Variants in CTNNA3 observed in about 807,000 individuals in gnomAD.
CTNNA3 encodes catenin alpha-3.
In CTNNA3, 76 loss-of-function variants were observed where a neutral mutation model predicts 95.7. The observed-to-expected ratio is 0.79, with a 90% CI of 0.66 to 0.96. The LOEUF is 0.96. Among genes scored for constraint, CTNNA3 ranks in the 40% least tolerant of loss-of-function variants. The pLI is 0.00. For missense variants in CTNNA3, 1,191 were observed against 1,089.8 expected (o/e 1.09, Z -1.31); for synonymous variants, 431 against 374.4 (o/e 1.15, Z -1.74).
intron 2 of CTNNA3, among the ~76,000 whole-genome samples, chr10:67,639,377 CA>C (rs1839441688): frequency 6.6e-6 from 1 of 151,964 alleles, no homozygotes; most frequent in Non-Finnish European, 1.5e-5. Context: ...GCTTACCAAC[CA>C]AAAAAAGTCC....
chr10:67,684,340 C>A (rs1264484321), intron 1 of CTNNA3, among the ~76,000 whole-genome samples: 3 of 152,134 alleles, frequency 2.0e-5, no homozygotes, highest in Non-Finnish European at 4.4e-5. Flanking sequence ...TGCATTTACA[C>A]ATCTTTAGCC....
At chr10:67,315,020 T>C (rs1412130329) in intron 5 of CTNNA3, among the ~76,000 whole-genome samples, 1 of 152,188 alleles carries the variant, frequency 6.6e-6, no homozygotes, top group Non-Finnish European at 1.5e-5. Context: ...ATGAAGTTCC[T>C]TCTCAGATTC....
chr10:66,451,665 T>A (rs2093465759), intron 11 of CTNNA3, among the ~76,000 whole-genome samples: 1 of 152,156 alleles, frequency 6.6e-6, no homozygotes, highest in South Asian at 2.1e-4. Context: ...TTTCAAGACT[T>A]TAAGACAAGA....
chr10:66,086,016 A>T (rs544988146), intron 14 of CTNNA3, among the ~76,000 whole-genome samples: 1 of 152,158 alleles, frequency 6.6e-6, no homozygotes, highest in African/African-American at 2.4e-5. Flanking sequence ...AGCTAAATCC[A>T]TCTGGTCAGA....
intron 11 of CTNNA3, among the ~76,000 whole-genome samples, chr10:66,434,477 T>G (rs751126308): frequency 1.6e-4 from 24 of 152,152 alleles, no homozygotes; most frequent in African/African-American, 5.6e-4. Flanking sequence ...ATGCTTGAGA[T>G]TTTTGCACAT....
At chr10:66,031,410 G>A (rs1477784929) in intron 15 of CTNNA3, among the ~76,000 whole-genome samples, 8 of 152,150 alleles carry the variant, frequency 5.3e-5, no homozygotes, top group South Asian at 2.1e-4. Context: ...TTGCAGCAAC[G>A]TAGATGCAGC....
chr10:66,926,516 G>A, intron 7 of CTNNA3: 1 of 1,578,478 alleles, frequency 6.3e-7, no homozygotes, highest in Non-Finnish European at 8.7e-7. Flanking sequence ...AGCTGACAGG[G>A]GCTGTCATGC....
chr10:66,533,103 A>G (rs1360412573), intron 10 of CTNNA3, among the ~76,000 whole-genome samples: 1 of 152,136 alleles, frequency 6.6e-6, no homozygotes, highest in Admixed American at 6.5e-5. Flanking sequence ...CTCCTCTTTT[A>G]TCATAGGATC....
intron 10 of CTNNA3, among the ~76,000 whole-genome samples, chr10:66,571,923 C>T (rs1006594795): frequency 6.6e-6 from 1 of 152,054 alleles, no homozygotes; most frequent in East Asian, 1.9e-4. Flanking sequence ...AGAAATTAAA[C>T]AATTAATTAG....
chr10:66,572,264 T>C (rs1030654135), intron 10 of CTNNA3, among the ~76,000 whole-genome samples: 1 of 151,284 alleles, frequency 6.6e-6, no homozygotes, highest in Non-Finnish European at 1.5e-5. Flanking sequence ...GTGCCTGTAA[T>C]CCCATCTACT....
chr10:66,691,456 G>A (rs1847534157), intron 9 of CTNNA3, among the ~76,000 whole-genome samples: 1 of 152,180 alleles, frequency 6.6e-6, no homozygotes, highest in Non-Finnish European at 1.5e-5. Context: ...AAGCATCCGG[G>A]AAGCTCGAAC....
intron 13 of CTNNA3, among the ~76,000 whole-genome samples, chr10:66,223,857 A>T (rs2089112438): frequency 6.7e-6 from 1 of 148,840 alleles, no homozygotes; most frequent in African/African-American, 2.5e-5. Flanking sequence ...ACCCTTCACA[A>T]TGTGGTTGGG....
At chr10:67,430,926 A>G (rs186107975) in intron 5 of CTNNA3, among the ~76,000 whole-genome samples, 1 of 151,758 alleles carries the variant, frequency 6.6e-6, no homozygotes, top group Non-Finnish European at 1.5e-5. Flanking sequence ...TCCCCAGCCT[A>G]AAGATATTAT....
At chr10:66,654,982 A>G (rs1001767146) in intron 9 of CTNNA3, among the ~76,000 whole-genome samples, 3 of 152,068 alleles carry the variant, frequency 2.0e-5, no homozygotes, top group African/African-American at 4.8e-5. Flanking sequence ...AGGATACAAC[A>G]TTGCAGCTGG....
At chr10:67,238,975 G>C (rs1305306345) in intron 5 of CTNNA3, among the ~76,000 whole-genome samples, 5 of 152,078 alleles carry the variant, frequency 3.3e-5, no homozygotes, top group African/African-American at 1.2e-4. Flanking sequence ...CTCAAAAGGA[G>C]ATAGAAACTC....
chr10:67,178,979 G>C (rs1260233662), intron 7 of CTNNA3, among the ~76,000 whole-genome samples: 1 of 151,984 alleles, frequency 6.6e-6, no homozygotes, highest in African/African-American at 2.4e-5. Flanking sequence ...TTTATCGACA[G>C]GTGAGAGATT....
intron 13 of CTNNA3, among the ~76,000 whole-genome samples, chr10:66,195,849 C>T (rs1367503197): frequency 6.6e-6 from 1 of 151,288 alleles, no homozygotes; most frequent in Non-Finnish European, 1.5e-5. Flanking sequence ...AAGCAACATC[C>T]TGCTGGGTGA....
chr10:66,817,836 T>A (rs1204324050), intron 7 of CTNNA3, among the ~76,000 whole-genome samples: 1 of 151,694 alleles, frequency 6.6e-6, no homozygotes, highest in Non-Finnish European at 1.5e-5. Flanking sequence ...AAAGACACCA[T>A]GAAAAAAGAA....
At chr10:67,727,375 T>C (rs999670236) in intron 1 of CTNNA3, among the ~76,000 whole-genome samples, 1 of 133,572 alleles carries the variant, frequency 7.5e-6, no homozygotes, top group Non-Finnish European at 1.5e-5. Flanking sequence ...TGTATATATG[T>C]ATGTTACGTA....
Sources: gnomAD v4.1 joint callset for allele counts (sites outside exome capture counted in the v4.1 genomes callset) on GRCh38, gnomAD v4.1.1 for gene constraint, MANE v1.5 for transcripts, NCBI Gene and HGNC (gene_info 2026-07-23, HGNC 2026-07-21) for gene names.